Variants in KCNC4 observed in about 807,000 individuals in gnomAD.
KCNC4 encodes the protein voltage-gated potassium channel KCNC4.
KCNC4 carries 23 observed loss-of-function variants against 42.8 expected under a neutral mutation model. The observed-to-expected ratio is 0.54, with a 90% confidence interval of 0.39 to 0.76. The LOEUF is 0.76. Ranked by LOEUF, KCNC4 falls within the 30% of genes least tolerant of loss-of-function variation. KCNC4 has a pLI of 0.00. For missense variants in KCNC4, 751 were observed against 898.2 expected, an observed-to-expected ratio of 0.84 and a Z score of 2.10; for synonymous variants, 422 against 393.5, an observed-to-expected ratio of 1.07 and a Z score of -0.86.
chr1:110,219,478 G>C (rs572956015), intron 1 of KCNC4, among the ~76,000 whole-genome samples: 56 of 152,274 alleles, frequency 3.7e-4, no homozygotes, highest in African/African-American at 1.3e-3. Flanking sequence ...GTCTAAACCC[G>C]GGCCCAAGGC....
Position 110,210,749 on chromosome 1 carries a change from G to C in KCNC4, c.-751G>C, listed in dbSNP as rs564675590. On this transcript the variant is annotated 5_prime_UTR_variant, in exon 1 of 4. Transcript: ENST00000438661. Reference sequence around the variant, plus strand: ...CCGGTCCGGCGCAGCTCCCAGCCGCGGACGCAGGACCCGAGGCTCGCTCCT... The same window carrying C: ...CCGGTCCGGCGCAGCTCCCAGCCGCCGACGCAGGACCCGAGGCTCGCTCCT... 1.3e-5 allele frequency among the ~76,000 whole-genome samples: 2 copies of C among 151,538 alleles called. No homozygotes were observed. The highest frequency in any genetic ancestry group is 2.9e-5 in the Non-Finnish European group (2 of 67,830).
At chr1:110,261,658 T>G (rs1248003716) in intron 1 of KCNC4, among the ~76,000 whole-genome samples, 1 of 152,192 alleles carries the variant, frequency 6.6e-6, no homozygotes, top group Non-Finnish European at 1.5e-5. Context: ...ACACTTAATA[T>G]TCCTTTACTG....
chr1:110,280,253 G>T (rs1659798726), intron 1 of KCNC4, among the ~76,000 whole-genome samples: 1 of 152,126 alleles, frequency 6.6e-6, no homozygotes, highest in Non-Finnish European at 1.5e-5. Context: ...CTAAGTTCAG[G>T]TTCATACCTA....
intron 2 of KCNC4, 180 bp from the exon 3 acceptor site, chr1:110,225,795 T>G (rs1571044277): frequency 5.0e-6 from 3 of 601,454 alleles, no homozygotes; most frequent in Non-Finnish European, 5.8e-6. Context: ...TCACACCAAG[T>G]GTAGCATCCC....
intron 1 of KCNC4, among the ~76,000 whole-genome samples, chr1:110,274,056 G>C (rs1659678813): frequency 6.6e-6 from 1 of 152,146 alleles, no homozygotes; most frequent in Non-Finnish European, 1.5e-5. Flanking sequence ...AATTATTTCT[G>C]TTCACTGATG....
At position 110,262,866 on chromosome 1, in the gene KCNC4, T is replaced by C. The variant is rs542677178; in HGVS notation, n.31-19668T>C. Among the ~76,000 whole-genome samples, 4 of 152,304 alleles carry C rather than the reference T, an allele frequency of 2.6e-5. No homozygotes were observed. The South Asian group carries it at 8.3e-4, about 32-fold the overall frequency. On this transcript the variant is annotated intron_variant and non_coding_transcript_variant, in intron 1 of 2. Coordinates refer to the KCNC4 transcript ENST00000412512. ...GCACAGTCAGGACTGATAATAAGCA[T>C]TTGTCGTGATGAGGACGTCCTGTCT...
At chr1:110,252,286 T>C (rs1659261903), downstream of KCNC4, among the ~76,000 whole-genome samples, 1 of 152,216 alleles carries the variant, frequency 6.6e-6, no homozygotes, top group East Asian at 1.9e-4. Context: ...TCTTTTTCTT[T>C]CCAACCAAGA....
intron 1 of KCNC4, among the ~76,000 whole-genome samples, chr1:110,280,665 G>T (rs1465458952): frequency 2.0e-5 from 3 of 152,074 alleles, no homozygotes; most frequent in African/African-American, 7.2e-5. Context: ...AGGATGGCCA[G>T]GTAACTTTGC....
chr1:110,238,846 A>G (rs191449686), downstream of KCNC4: 3 of 152,360 alleles, frequency 2.0e-5, no homozygotes, highest in African/African-American at 7.2e-5. Flanking sequence ...CCTCAGGGAA[A>G]CAATGGTGAA....
chr1:110,268,832 A>G (rs1570583172), intron 1 of KCNC4, among the ~76,000 whole-genome samples: 1 of 147,662 alleles, frequency 6.8e-6, no homozygotes, highest in Non-Finnish European at 1.5e-5. Flanking sequence ...AGTTCACTCC[A>G]TTCTCCTGCC....
intron 1 of KCNC4, among the ~76,000 whole-genome samples, chr1:110,273,496 C>A (rs4839285): frequency 0.29 from 44,061 of 152,004 alleles, 6,806 homozygotes; most frequent in Admixed American, 0.43. Context: ...CCTCCGCTGA[C>A]ACTAATGCCG....
chr1:110,250,557 G>A (rs373108980), downstream of KCNC4, among the ~76,000 whole-genome samples: 4 of 152,352 alleles, frequency 2.6e-5, no homozygotes, highest in East Asian at 7.7e-4. Context: ...CATGGTTGGT[G>A]TAAGGAAGGG....
At chr1:110,275,560 G>T (rs980350055) in intron 1 of KCNC4, among the ~76,000 whole-genome samples, 2 of 152,140 alleles carry the variant, frequency 1.3e-5, no homozygotes, top group African/African-American at 4.8e-5. Context: ...ACTTGCATTT[G>T]TATGTTTATC....
At chr1:110,237,088 G>C (rs1658923368), downstream of KCNC4, 1 of 151,918 alleles carries the variant, frequency 6.6e-6, no homozygotes, top group Non-Finnish European at 1.5e-5. Context: ...AGAGTGGATT[G>C]CTTGAGGCCA....
intron 1 of KCNC4, among the ~76,000 whole-genome samples, chr1:110,214,349 A>G (rs1028295011): frequency 1.3e-5 from 2 of 152,222 alleles, no homozygotes; most frequent in Non-Finnish European, 2.9e-5. Flanking sequence ...CCTGATGTGA[A>G]TATCTGGATG....
intron 1 of KCNC4, among the ~76,000 whole-genome samples, chr1:110,271,669 T>C (rs1659637978): frequency 6.6e-6 from 1 of 151,512 alleles, no homozygotes; most frequent in Non-Finnish European, 1.5e-5. Flanking sequence ...CAACAAAAAG[T>C]GGGCTAGCTG....
chr1:110,229,713 T>C (rs1658598673), intron 3 of KCNC4, among the ~76,000 whole-genome samples: 1 of 152,148 alleles, frequency 6.6e-6, no homozygotes, highest in Non-Finnish European at 1.5e-5. Context: ...GGGTACACCT[T>C]GCGCAGGGGC....
At chr1:110,248,480 A>C (rs1659195525) in exon 4 of KCNC4, 1 of 151,818 alleles carries the variant, frequency 6.6e-6, no homozygotes, top group Non-Finnish European at 1.5e-5. Context: ...TAGAGATTCA[A>C]GTGATTTGTA....
chr1:110,211,639 A>G lies in KCNC4; in HGVS notation c.140A>G (p.His47Arg). The G allele has an allele frequency of 6.2e-7, 1 of 1,613,820 alleles. No individual in the cohort carries two copies. Among genetic ancestry groups the G allele is most frequent in the Non-Finnish European group, 8.5e-7 (1 of 1,179,932 alleles). Residue 47 changes from histidine (H) to arginine (R), a missense_variant, in exon 1 of 4, where the codon CAT becomes CGT. Coordinates refer to ENST00000438661, the MANE Select transcript of KCNC4 (RefSeq NM_001039574.3). The surrounding 1 kb of genome is among the most constrained non-coding windows in gnomAD (Gnocchi z 6.5). ...ATCATCAACGTGGGCGGCACGCGAC[A>G]TGAGACCTACCGCAGCACCCTGCGC... Reference protein sequence around the residue: ...KIIINVGGTRHETYRSTLRTL... With the variant: ...KIIINVGGTRRETYRSTLRTL...
Sources: gnomAD v4.1 joint callset for allele counts (sites outside exome capture counted in the v4.1 genomes callset) on GRCh38, gnomAD v4.1.1 for gene constraint, Gnocchi (gnomAD v3.1) non-coding constraint, MANE v1.5 for transcripts, NCBI Gene and HGNC (gene_info 2026-07-23, HGNC 2026-07-21) for gene names.